EXT2: variants seen among roughly 807,000 people sequenced by gnomAD.
EXT2 encodes exostosin glycosyltransferase 2, also known as exostosin-2.
In EXT2, 53 loss-of-function variants were observed where a neutral mutation model predicts 81.6. The ratio of observed to expected loss-of-function variants is 0.65; its 90% CI spans 0.52 to 0.82. The LOEUF (loss-of-function observed/expected upper bound fraction) is 0.82. Ranked by LOEUF, EXT2 falls within the 40% of genes least tolerant of loss-of-function variation. The pLI is 0.00. For missense variants in EXT2, 774 were observed against 910.2 expected, an observed-to-expected ratio of 0.85 and a Z score of 1.93; for synonymous variants, 320 against 340.0, an observed-to-expected ratio of 0.94 and a Z score of 0.65.
At chr11:44,190,902 G>T (rs187231030) in intron 8 of EXT2, among the ~76,000 whole-genome samples, 1 of 152,300 alleles carries the variant, frequency 6.6e-6, no homozygotes, top group East Asian at 1.9e-4. Context: ...ATTGCAGGAA[G>T]GGCTCAGGCA....
intron 10 of EXT2, among the ~76,000 whole-genome samples, chr11:44,232,074 C>T (rs1955905574): frequency 6.6e-6 from 1 of 152,086 alleles, no homozygotes; most frequent in Non-Finnish European, 1.5e-5. Flanking sequence ...AAGAGATTGC[C>T]TACCTTGGCC....
intron 7 of EXT2, among the ~76,000 whole-genome samples, chr11:44,160,375 G>A (rs1300034722): frequency 6.6e-6 from 1 of 152,176 alleles, no homozygotes; most frequent in Non-Finnish European, 1.5e-5. Context: ...TTGATAAATT[G>A]GAGAAAAGGT....
At chr11:44,128,010 A>G (rs993025011) in intron 6 of EXT2, among the ~76,000 whole-genome samples, 5 of 152,202 alleles carry the variant, frequency 3.3e-5, no homozygotes, top group Non-Finnish European at 7.3e-5. Context: ...AATTCCATTC[A>G]TATCTATCTC....
chr11:44,237,101 A>T (rs563725253), intron 13 of EXT2, among the ~76,000 whole-genome samples: 2 of 152,114 alleles, frequency 1.3e-5, no homozygotes, highest in African/African-American at 4.8e-5. Flanking sequence ...AAGACAGCAA[A>T]CTCTGACATC....
Position 44,249,970 on chromosome 11 carries a change from T to G in EXT2, c.*5683T>G, listed in dbSNP as rs928717979. On this transcript the variant is annotated 3_prime_UTR_variant, in exon 14 of 14. Coordinates refer to ENST00000533608, the MANE Select transcript of EXT2 (RefSeq NM_207122.2). ...CTGTAGCCCCAGCTACTCGGGAGGC[T>G]GAGGCAGGAGAATGGCGTGAACCTG... Among the ~76,000 whole-genome samples the G allele has an allele frequency of 6.6e-6, 1 of 152,180 alleles. No individual in the cohort carries two copies. Among genetic ancestry groups the G allele is most frequent in the African/African-American group, 2.4e-5 (1 of 41,446 alleles).
At chr11:44,145,789 T>C (rs1590592661) in intron 7 of EXT2, among the ~76,000 whole-genome samples, 1 of 152,190 alleles carries the variant, frequency 6.6e-6, no homozygotes, top group East Asian at 1.9e-4. Flanking sequence ...TTGTTTAGAG[T>C]ACTCTTGAAC....
chr11:44,227,634 T>A (rs1265626497), intron 10 of EXT2, among the ~76,000 whole-genome samples: 3 of 152,186 alleles, frequency 2.0e-5, no homozygotes, highest in African/African-American at 7.2e-5. Context: ...TAGAAGATAT[T>A]TGTTTGATCC....
chr11:44,109,013 C>T (rs896532379), intron 2 of EXT2, among the ~76,000 whole-genome samples, 181 bp from the exon 3 acceptor site: 1 of 152,136 alleles, frequency 6.6e-6, no homozygotes, highest in Non-Finnish European at 1.5e-5. Context: ...GTTCATTTTT[C>T]CCTGTCATGG....
chr11:44,137,349 G>A (rs1954585580), intron 7 of EXT2, among the ~76,000 whole-genome samples: 2 of 152,240 alleles, frequency 1.3e-5, no homozygotes, highest in Admixed American at 1.3e-4. Flanking sequence ...TCACAGTCCA[G>A]ATGGAGAGAC....
Position 44,232,995 on chromosome 11 carries a change from C to T in EXT2, c.1806+499C>T, listed in dbSNP as rs551226498. On this transcript the variant is annotated intron_variant, in intron 11 of 13. Transcript: ENST00000533608. The stretch of plus-strand genomic sequence containing the variant: ...TCTAAATTTTTGCTATTTTAAATAA[C>T]GCTTAATATCTAATGTTAGTGATAG... Among the ~76,000 whole-genome samples the T allele has an allele frequency of 5.7e-4, 87 of 152,168 alleles. 1 individual carries two copies. Among genetic ancestry groups the T allele is most frequent in the African/African-American group, 2.0e-3 (83 of 41,520 alleles).
intron 8 of EXT2, among the ~76,000 whole-genome samples, chr11:44,177,192 T>C (rs1472667913): frequency 2.0e-5 from 3 of 152,226 alleles, no homozygotes; most frequent in Admixed American, 2.0e-4. Flanking sequence ...TATCACCAAG[T>C]TAAGGTTCTT....
At chr11:44,198,080 C>T (rs1955479985) in intron 9 of EXT2, 62 bp downstream of exon 9, 2 of 1,540,938 alleles carry the variant, frequency 1.3e-6, no homozygotes, top group African/African-American at 1.4e-5. Flanking sequence ...TATTCACATC[C>T]TTTGTTTTAA....
chr11:44,167,845 G>A (rs547796291), intron 7 of EXT2, among the ~76,000 whole-genome samples: 1 of 152,050 alleles, frequency 6.6e-6, no homozygotes, highest in Non-Finnish European at 1.5e-5. Flanking sequence ...TTAAGTTTTA[G>A]GGTACATGTG....
At position 44,109,233 on chromosome 11, in the gene EXT2, G is replaced by A; in HGVS notation, c.576G>A (p.Leu192=). 4 of 1,614,070 alleles carry A rather than the reference G, an allele frequency of 2.5e-6. No homozygotes were observed. The highest frequency in any genetic ancestry group is 3.4e-6 in the Non-Finnish European group (4 of 1,179,978). Residue 192 remains leucine (L), a synonymous_variant, in exon 3 of 14, where the codon TTG becomes TTA. Transcript: ENST00000533608. The part of the protein sequence containing the change: ...RGTNHLLFNM[L]PGGPPDYNTA... ...CGAATCACCTGTTGTTCAACATGTTGCCTGGAGGTCCCCCAGATTATAACA... is the reference window on the plus strand; with the variant it reads ...CGAATCACCTGTTGTTCAACATGTTACCTGGAGGTCCCCCAGATTATAACA...
intron 7 of EXT2, among the ~76,000 whole-genome samples, chr11:44,136,345 A>G (rs1954566632): frequency 6.6e-6 from 1 of 152,228 alleles, no homozygotes; most frequent in Non-Finnish European, 1.5e-5. Context: ...AAGGATAAAG[A>G]GACGTAAAGT....
At position 44,249,877 on chromosome 11, in the gene EXT2, T is replaced by C. The variant is rs1266010757; in HGVS notation, c.*5590T>C. Among the ~76,000 whole-genome samples, 2 of 152,184 alleles carry C rather than the reference T, an allele frequency of 1.3e-5. No homozygotes were observed. The highest frequency in any genetic ancestry group is 4.8e-5 in the African/African-American group (2 of 41,450). ...TGAGGTCACGAGATCGAGACCCTCCTGGCTAACACGGTGAAACCCCATCTC... is the reference window on the plus strand; with the variant it reads ...TGAGGTCACGAGATCGAGACCCTCCCGGCTAACACGGTGAAACCCCATCTC... On this transcript the variant is annotated 3_prime_UTR_variant, in exon 14 of 14. Coordinates refer to ENST00000533608, the MANE Select transcript of EXT2 (RefSeq NM_207122.2).
intron 4 of EXT2, among the ~76,000 whole-genome samples, chr11:44,120,018 C>G (rs1405724501): frequency 6.6e-6 from 1 of 152,112 alleles, no homozygotes; most frequent in Non-Finnish European, 1.5e-5. Flanking sequence ...CTCTTAATCC[C>G]CTTCAGGTTT....
chr11:44,176,228 C>T (rs1425309571), intron 8 of EXT2, among the ~76,000 whole-genome samples: 1 of 152,088 alleles, frequency 6.6e-6, no homozygotes, highest in Non-Finnish European at 1.5e-5. Flanking sequence ...GGACTTTATC[C>T]TATACTTTTA....
intron 8 of EXT2, among the ~76,000 whole-genome samples, chr11:44,175,367 T>TTTTTTTTTC (rs991286858): frequency 6.6e-6 from 1 of 151,598 alleles, no homozygotes; most frequent in Admixed American, 6.6e-5. Flanking sequence ...TCTACCTTTC[T>TTTTTTTTTC]TTTTTTTTCT....
Sources: allele counts gnomAD v4.1 joint callset (sites outside exome capture counted in the v4.1 genomes callset), GRCh38; gene constraint gnomAD v4.1.1; transcripts MANE v1.5; gene names NCBI Gene and HGNC (gene_info 2026-07-23, HGNC 2026-07-21).